Variants in EPHX3 observed in about 807,000 individuals in gnomAD.
The protein encoded by EPHX3 is abhydrolase domain containing 9.
EPHX3 carries 39 observed loss-of-function variants against 40.2 expected under a neutral mutation model. That is an observed-to-expected ratio of 0.97 (90% confidence interval 0.75 to 1.27). EPHX3 has a LOEUF of 1.27. EPHX3 is among the 50% of genes most tolerant of loss of function. The pLI is 0.00. For missense variants in EPHX3, 442 were observed against 474.0 expected, an observed-to-expected ratio of 0.93 and a Z score of 0.63; for synonymous variants, 213 against 209.7, an observed-to-expected ratio of 1.02 and a Z score of -0.14.
At position 15,231,384 on chromosome 19, in the gene EPHX3, A is replaced by C; in HGVS notation, c.342T>G (p.Arg114=). 1.9e-6 allele frequency: 3 copies of C among 1,613,742 alleles called. No homozygotes were observed. Among genetic ancestry groups the C allele is most frequent in the Non-Finnish European group, 2.5e-6 (3 of 1,179,976 alleles). ...HGFPENWFSW[R]YQLREFQSRF... ...GGCTCTGGAACTCCCGGAGCTGGTAACGCCAGGAGAACCTGCCAGGCGGGC... is the reference window on the plus strand; with the variant it reads ...GGCTCTGGAACTCCCGGAGCTGGTACCGCCAGGAGAACCTGCCAGGCGGGC... The change falls in exon 3 of 7, where the codon CGT becomes CGG. Residue 114 remains arginine (R), a synonymous_variant. Transcript: ENST00000221730.
Position 15,227,509 on chromosome 19 carries a change from A to G in EPHX3, c.1011T>C (p.His337=), listed in dbSNP as rs766875444. 2 of 1,614,124 alleles carry G rather than the reference A, an allele frequency of 1.2e-6. No individual in the cohort carries two copies. The highest frequency in any genetic ancestry group is 4.5e-5 in the East Asian group (2 of 44,876). Residue 337 remains histidine (H), a synonymous_variant, in exon 7 of 7, where the codon CAT becomes CAC. Coordinates refer to ENST00000221730, the MANE Select transcript of EPHX3 (RefSeq NM_024794.3). ...CCTGGGGGTTGCTCTGTGGGATCCAATGCCCTATGCCTGGCAGGATGTGGG... is the reference window on the plus strand; with the variant it reads ...CCTGGGGGTTGCTCTGTGGGATCCAGTGCCCTATGCCTGGCAGGATGTGGG... ...LEAHILPGIG[H]WIPQSNPQEM... is the part of the protein sequence containing the mutation.
At chr19:15,234,403 C>T (rs1364970395), upstream of EPHX3, among the ~76,000 whole-genome samples, 1 of 152,006 alleles carries the variant, frequency 6.6e-6, no homozygotes, top group Non-Finnish European at 1.5e-5. Context: ...ACTGCAGCCT[C>T]GAACTCCTGG....
rs952951925 is a variant in EPHX3 at position 15,231,148 on chromosome 19, T to G, written c.488-58A>C. ...GTGCCCAGTAGGACTGAAGCAGGGATGGGGGAAGTAGGTTCCAGCAAGGAG... is the reference window on the plus strand; with the variant it reads ...GTGCCCAGTAGGACTGAAGCAGGGAGGGGGGAAGTAGGTTCCAGCAAGGAG... On this transcript the variant is annotated intron_variant, in intron 3 of 6. Transcript: ENST00000221730. 2.5e-6 allele frequency: 4 copies of G among 1,612,360 alleles called. No individual in the cohort carries two copies. In the African/African-American group the frequency reaches 5.3e-5, roughly 22 times the overall value.
upstream of EPHX3, chr19:15,232,574 G>A: frequency 2.0e-6 from 1 of 504,724 alleles, no homozygotes; most frequent in Non-Finnish European, 2.8e-6. Flanking sequence ...GGTGGGTGAG[G>A]GTCTAAAGGC....
intron 4 of EPHX3, among the ~76,000 whole-genome samples, chr19:15,229,372 G>A (rs767727590): frequency 2.6e-5 from 4 of 152,068 alleles, no homozygotes; most frequent in Non-Finnish European, 1.5e-5. Context: ...GGCTGAGGCC[G>A]GCAGATCGCT....
chr19:15,232,295 C>T lies in EPHX3; in HGVS notation c.-84G>A. 7.1e-7 allele frequency: 1 copy of T among 1,405,030 alleles called. No homozygotes were observed. Among genetic ancestry groups the T allele is most frequent in the Non-Finnish European group, 9.1e-7 (1 of 1,092,924 alleles). 87.0% of individuals were successfully genotyped at this position (1,405,030 alleles called of 1,614,324 possible). Reference sequence around the variant, plus strand: ...GAAGCGGTGTCAGGGCTCAGGGGCCCATCGCCCTTGGCCTGGGGCCCCTCC... The same window carrying T: ...GAAGCGGTGTCAGGGCTCAGGGGCCTATCGCCCTTGGCCTGGGGCCCCTCC... On this transcript the variant is annotated 5_prime_UTR_variant, in exon 1 of 7. The change abolishes an upstream ATG in the 5' untranslated region. Coordinates refer to ENST00000221730, the MANE Select transcript of EPHX3 (RefSeq NM_024794.3).
At chr19:15,236,170 GAAT>G (rs1166307892), upstream of EPHX3, 3 of 152,188 alleles carry the variant, frequency 2.0e-5, no homozygotes, top group African/African-American at 4.8e-5. Context: ...GGATGTAGGA[GAAT>G]AAACAGTGCT....
At position 15,231,949 on chromosome 19, in the gene EPHX3, T is replaced by G. The variant is rs1415425694; in HGVS notation, c.243+20A>C. On this transcript the variant is annotated intron_variant, in intron 1 of 6. Coordinates refer to ENST00000221730, the MANE Select transcript of EPHX3 (RefSeq NM_024794.3). ...ACCCCACGCGACCCCGCAGCCCCGA[T>G]AGCGCCCCCGTGCGATCACCTTGAG... The G allele has an allele frequency of 1.2e-6, 2 of 1,612,350 alleles. No individual in the cohort carries two copies. The highest frequency in any genetic ancestry group is 2.2e-5 in the East Asian group (1 of 44,874).
Position 15,227,467 on chromosome 19 carries a change from C to A in EPHX3, c.1053G>T (p.Met351Ile), listed in dbSNP as rs1240516971. 1.2e-6 allele frequency: 2 copies of A among 1,614,208 alleles called. No homozygotes were observed. Among genetic ancestry groups the A allele is most frequent in the Non-Finnish European group, 8.5e-7 (1 of 1,180,042 alleles). The change falls in exon 7 of 7, where the codon ATG becomes ATT. Residue 351 changes from methionine (M) to isoleucine (I), a missense_variant. Met to Ile is a conservative substitution (Grantham distance 10, BLOSUM62 1). Coordinates refer to ENST00000221730, the MANE Select transcript of EPHX3 (RefSeq NM_024794.3). Reference sequence around the variant, plus strand: ...CCAGCAGGTCTTGCAAGAAGGCCCACATGTACTGGTGCATCTCCTGGGGGT... The same window carrying A: ...CCAGCAGGTCTTGCAAGAAGGCCCAAATGTACTGGTGCATCTCCTGGGGGT... ...QSNPQEMHQY[M>I]WAFLQDLLD
chr19:15,230,096 T>C (rs2047143427), intron 4 of EPHX3, among the ~76,000 whole-genome samples: 1 of 151,888 alleles, frequency 6.6e-6, no homozygotes, highest in African/African-American at 2.4e-5. Context: ...AGTAGGTTAC[T>C]GTGTGCATAT....
chr19:15,235,267 A>G (rs193031293), upstream of EPHX3, among the ~76,000 whole-genome samples: 2 of 151,864 alleles, frequency 1.3e-5, no homozygotes, highest in African/African-American at 4.8e-5. Flanking sequence ...CGGCCTCCCA[A>G]AAGTGCTGGG....
upstream of EPHX3, chr19:15,235,620 T>C (rs2047187088): frequency 6.6e-6 from 1 of 152,046 alleles, no homozygotes; most frequent in Non-Finnish European, 1.5e-5. Context: ...AATTCCCTTC[T>C]ACAAATGTCT....
rs897244496 is a variant in EPHX3 at position 15,232,078 on chromosome 19, G to A, written c.134C>T (p.Thr45Met). Reference sequence around the variant, plus strand: ...GCGCCGGGGCCGGCACAGCACGTGCGTGAGCGCTATGCAGCCGTAGACCGC... The same window carrying A: ...GCGCCGGGGCCGGCACAGCACGTGCATGAGCGCTATGCAGCCGTAGACCGC... The part of the protein sequence containing the change: ...AAAVYGCIAL[T>M]HVLCRPRRGC... Residue 45 changes from threonine (T) to methionine (M), a missense_variant, in exon 1 of 7, where the codon ACG (threonine) becomes ATG (methionine). Coordinates refer to ENST00000221730, the MANE Select transcript of EPHX3 (RefSeq NM_024794.3). The A allele has an allele frequency of 5.7e-6, 9 of 1,568,368 alleles. No individual in the cohort carries two copies. The highest frequency in any genetic ancestry group is 7.7e-6 in the Non-Finnish European group (9 of 1,163,976).
At position 15,226,974 on chromosome 19, in the gene EPHX3, C is replaced by T. The variant is rs757291; in HGVS notation, c.*463G>A. ...TCATTTCAATTAACATACATTTAAGCTGAAGTAGCCAAATGTGGTCAGCAG... is the reference window on the plus strand; with the variant it reads ...TCATTTCAATTAACATACATTTAAGTTGAAGTAGCCAAATGTGGTCAGCAG... On this transcript the variant is annotated 3_prime_UTR_variant, in exon 7 of 7. Transcript: ENST00000221730. The T allele has an allele frequency of 0.78, 127,499 of 163,946 alleles. 50,676 individuals carry two copies. Among genetic ancestry groups the T allele is most frequent in the African/African-American group, 0.95 (39,477 of 41,768 alleles). 10.2% of individuals were successfully genotyped at this position (163,946 alleles called of 1,614,324 possible).
At chr19:15,229,433 C>G (rs1284811802) in intron 4 of EPHX3, among the ~76,000 whole-genome samples, 1 of 151,878 alleles carries the variant, frequency 6.6e-6, no homozygotes, top group Non-Finnish European at 1.5e-5. Context: ...AACCCCATTT[C>G]TACTAAAAAT....
At position 15,227,510 on chromosome 19, in the gene EPHX3, T is replaced by C. The variant is rs1260324684; in HGVS notation, c.1010A>G (p.His337Arg). ...LEAHILPGIG[H>R]WIPQSNPQEM... ...CTGGGGGTTGCTCTGTGGGATCCAA[T>C]GCCCTATGCCTGGCAGGATGTGGGC... is the stretch of plus-strand genomic sequence containing the variant. Residue 337 changes from histidine (H) to arginine (R), a missense_variant, in exon 7 of 7, where the codon CAT becomes CGT. Coordinates refer to ENST00000221730, the MANE Select transcript of EPHX3 (RefSeq NM_024794.3). 8 of 1,614,134 alleles carry C rather than the reference T, an allele frequency of 5.0e-6. No individual in the cohort carries two copies. The East Asian group carries it at 1.6e-4, about 31-fold the overall frequency.
Position 15,227,146 on chromosome 19 carries a change from G to A in EPHX3, c.*291C>T. 1 of 429,148 alleles carries A rather than the reference G, an allele frequency of 2.3e-6. No individual in the cohort carries two copies. The highest frequency in any genetic ancestry group is 2.7e-5 in the South Asian group (1 of 36,624). The allele number at this position is 429,148 out of a possible 1,614,324, so 26.6% of individuals were successfully genotyped here. A position where few individuals can be genotyped will look rare whatever the true frequency, so the allele number is the denominator to read the frequency against. Reference sequence around the variant, plus strand: ...GTGAGGCCCCAGGAAGGGAGGAGGTGGGACACTCGGTCTCGGCATCTGGCT... The same window carrying A: ...GTGAGGCCCCAGGAAGGGAGGAGGTAGGACACTCGGTCTCGGCATCTGGCT... On this transcript the variant is annotated 3_prime_UTR_variant, in exon 7 of 7. Transcript: ENST00000221730.
chr19:15,234,682 T>G (rs2047178711), upstream of EPHX3, among the ~76,000 whole-genome samples: 1 of 152,196 alleles, frequency 6.6e-6, no homozygotes, highest in Non-Finnish European at 1.5e-5. Flanking sequence ...GTTTTTTGTT[T>G]CCCTGTTAGT....
rs1271026703 is a variant in EPHX3 at position 15,232,036 on chromosome 19, C to T, written c.176G>A (p.Arg59His). 1.3e-6 allele frequency: 2 copies of T among 1,587,138 alleles called. No individual in the cohort carries two copies. Among genetic ancestry groups the T allele is most frequent in the South Asian group, 1.1e-5 (1 of 89,708 alleles). ...CAGGCAGGCGGGGGACGCGCTCCGA[C>T]GGCGCCCGCAGCAGCCGCGCCGGGG... ...CRPRRGCCGR[R>H]RSASPACLSD... Residue 59 changes from arginine (R) to histidine (H), a missense_variant, in exon 1 of 7, where the codon CGT (arginine) becomes CAT (histidine). Arg to His is a conservative substitution (Grantham distance 29). Transcript: ENST00000221730.
Sources: allele counts gnomAD v4.1 joint callset (sites outside exome capture counted in the v4.1 genomes callset), GRCh38; gene constraint gnomAD v4.1.1; transcripts MANE v1.5; gene names NCBI Gene and HGNC (gene_info 2026-07-23, HGNC 2026-07-21).